Variants in ZMIZ1 observed in about 807,000 individuals in gnomAD.
ZMIZ1 encodes the protein zinc finger MIZ-type containing 1, also known as zinc finger MIZ domain-containing protein 1.
A neutral mutation model predicts 113.9 loss-of-function variants in ZMIZ1; 17 were observed. The observed-to-expected ratio is 0.15, with a 90% CI of 0.10 to 0.22. The LOEUF (loss-of-function observed/expected upper bound fraction) is 0.22, where lower values mean the gene tolerates loss of function less well. Ranked by LOEUF, ZMIZ1 falls within the 10% of genes least tolerant of loss-of-function variation. The pLI, the probability that ZMIZ1 is intolerant of heterozygous loss-of-function variation, is 1.00. For missense variants in ZMIZ1, 1,059 were observed against 1,477.8 expected (o/e 0.72, Z 4.65); for synonymous variants, 607 against 603.1 (o/e 1.01, Z -0.09).
In ZMIZ1 at chr10:79,302,005, C is replaced by T. The variant is rs989106590; in HGVS notation, c.2020-102C>T. ...GACACCCTGGGGGAGCCTCCTGGGCCGGCTGTGGGATCCTGGGAGCAGTCT... is the reference window on the plus strand; with the variant it reads ...GACACCCTGGGGGAGCCTCCTGGGCTGGCTGTGGGATCCTGGGAGCAGTCT... On this transcript the variant is annotated intron_variant, in intron 17 of 24. Coordinates refer to ENST00000334512, the MANE Select transcript of ZMIZ1 (RefSeq NM_020338.4). 8.8e-5 allele frequency: 105 copies of T among 1,189,418 alleles called. 1 individual carries two copies. In the South Asian group the frequency reaches 9.1e-4, roughly 10 times the overall value. The allele number at this position is 1,189,418 out of a possible 1,614,324, so 73.7% of individuals were successfully genotyped here. A position where few individuals can be genotyped will look rare whatever the true frequency, so the allele number is the denominator to read the frequency against.
chr10:79,122,913 A>G (rs879944405), intron 2 of ZMIZ1, among the ~76,000 whole-genome samples: 8 of 152,336 alleles, frequency 5.3e-5, no homozygotes, highest in Non-Finnish European at 8.8e-5. Flanking sequence ...AGAAAGCTCC[A>G]GCCCCTGGCC....
chr10:79,201,544 C>T, intron 4 of ZMIZ1, 40 bp from the exon 5 acceptor site: 2 of 1,494,488 alleles, frequency 1.3e-6, no homozygotes. Context: ...GTTGGCAGGC[C>T]TGGCGTGATC....
In ZMIZ1 at chr10:79,289,784, G is replaced by C. The variant is rs1138892; in HGVS notation, c.435G>C (p.Ser145=). The C allele has an allele frequency of 6.2e-7, 1 of 1,613,688 alleles. No homozygotes were observed. Among genetic ancestry groups the C allele is most frequent in the African/African-American group, 1.3e-5 (1 of 74,918 alleles). The change falls in exon 9 of 25, where the codon TCG becomes TCC. Residue 145 remains serine, a synonymous_variant. Transcript: ENST00000334512. ...MKPTLSHSDG[S]FPYDSVPWQQ... ...CTGTCTCCCTCTGCAGTGATGGGTC[G>C]TTCCCCTATGACTCTGTCCCTTGGC...
chr10:79,293,544 G>C lies in ZMIZ1; in HGVS notation c.1121G>C (p.Gly374Ala). The change falls in exon 12 of 25, where the codon GGC (glycine) becomes GCC (alanine). Residue 374 changes from glycine (G) to alanine (A), a missense_variant. Gly to Ala is a moderately conservative substitution (Grantham distance 60, BLOSUM62 0). This residue lies in a region of ZMIZ1 where 83 missense variants were observed against 103.7 expected (regional missense o/e 0.80). Transcript: ENST00000334512. ...PMGMNQPRPP[G>A]ISPFGTHGQR... is the part of the protein sequence containing the mutation. Reference sequence around the variant, plus strand: ...GGCATGAACCAGCCCCGGCCGCCCGGCATCAGCCCCTTTGGCACACACGGG... The same window carrying C: ...GGCATGAACCAGCCCCGGCCGCCCGCCATCAGCCCCTTTGGCACACACGGG... 1 of 1,612,294 alleles carries C rather than the reference G, an allele frequency of 6.2e-7. No individual in the cohort carries two copies. The highest frequency in any genetic ancestry group is 8.5e-7 in the Non-Finnish European group (1 of 1,179,518).
chr10:79,244,915 C>T (rs1346657351), intron 7 of ZMIZ1, among the ~76,000 whole-genome samples: 2 of 152,184 alleles, frequency 1.3e-5, no homozygotes, highest in African/African-American at 4.8e-5. Flanking sequence ...GGAGGAAAGG[C>T]CCTGTCCCAG....
At chr10:79,303,879 C>G in intron 18 of ZMIZ1, 136 bp from the exon 19 acceptor site, 1 of 1,291,448 alleles carries the variant, frequency 7.7e-7, no homozygotes, top group Non-Finnish European at 1.1e-6. Context: ...ACACTGCCCT[C>G]TCAGCGTTTG....
At chr10:79,240,241 G>A (rs372048850) in intron 7 of ZMIZ1, among the ~76,000 whole-genome samples, 4 of 152,338 alleles carry the variant, frequency 2.6e-5, no homozygotes, top group African/African-American at 9.6e-5. Flanking sequence ...CCCCCTTGCC[G>A]AGGTCACTCA....
intron 1 of ZMIZ1, among the ~76,000 whole-genome samples, chr10:79,100,208 G>C (rs1843311681): frequency 6.6e-6 from 1 of 152,086 alleles, no homozygotes; most frequent in Admixed American, 6.5e-5. Context: ...CAGGGGGACA[G>C]GTTCAGGTCA....
At position 79,306,163 on chromosome 10, in the gene ZMIZ1, G is replaced by C. The variant is rs752174152; in HGVS notation, c.2487G>C (p.Ser829=). ...TCSWRPVPIK[S]DLHIKDDPDG... is the part of the protein sequence containing the mutation. The stretch of plus-strand genomic sequence containing the variant: ...GCTGGCGGCCGGTGCCCATCAAGTC[G>C]GACTTACACATCAAGGACGACCCTG... Residue 829 remains serine, a synonymous_variant, in exon 22 of 25, where the codon TCG becomes TCC. Coordinates refer to ENST00000334512, the MANE Select transcript of ZMIZ1 (RefSeq NM_020338.4). The C allele has an allele frequency of 6.2e-7, 1 of 1,614,006 alleles. No homozygotes were observed. The highest frequency in any genetic ancestry group is 1.3e-5 in the African/African-American group (1 of 75,034).
chr10:79,190,006 G>GAATCA (rs1847533035), intron 4 of ZMIZ1, among the ~76,000 whole-genome samples: 1 of 152,216 alleles, frequency 6.6e-6, no homozygotes, highest in Non-Finnish European at 1.5e-5. Flanking sequence ...GGAGAGTAGA[G>GAATCA]CTTGATGAAT....
chr10:79,179,126 A>G (rs917416566), intron 4 of ZMIZ1, among the ~76,000 whole-genome samples: 2 of 152,258 alleles, frequency 1.3e-5, no homozygotes, highest in Admixed American at 6.5e-5. Context: ...GAGGGATGCT[A>G]GCACATAAAA....
chr10:79,089,037 C>CT (rs1164142707), intron 1 of ZMIZ1, among the ~76,000 whole-genome samples: 1 of 152,226 alleles, frequency 6.6e-6, no homozygotes, highest in Non-Finnish European at 1.5e-5. Flanking sequence ...CTTGATTTTT[C>CT]TTTTCTGGTC....
chr10:79,136,783 C>T (rs1286072927), intron 2 of ZMIZ1, among the ~76,000 whole-genome samples: 2 of 152,220 alleles, frequency 1.3e-5, no homozygotes, highest in Non-Finnish European at 1.5e-5. Context: ...TTAAATATCA[C>T]TATCCATTTC....
At chr10:79,082,979 T>A (rs988792281) in intron 1 of ZMIZ1, among the ~76,000 whole-genome samples, 2 of 152,114 alleles carry the variant, frequency 1.3e-5, no homozygotes, top group African/African-American at 4.8e-5. Flanking sequence ...GAAGGTGGAT[T>A]CATGTATTCC....
At chr10:79,154,135 G>A (rs1490472681) in intron 3 of ZMIZ1, among the ~76,000 whole-genome samples, 1 of 152,224 alleles carries the variant, frequency 6.6e-6, no homozygotes, top group Non-Finnish European at 1.5e-5. Flanking sequence ...GGAGGGATAA[G>A]TGACTTTCTT....
chr10:79,179,721 C>G (rs116695734), intron 4 of ZMIZ1, among the ~76,000 whole-genome samples: 2,135 of 152,384 alleles, frequency 0.014, 51 homozygotes, highest in African/African-American at 0.048. Context: ...GCTCCACACT[C>G]TAGCTCATGG....
At chr10:79,080,166 C>T (rs1183299678) in intron 1 of ZMIZ1, among the ~76,000 whole-genome samples, 3 of 152,166 alleles carry the variant, frequency 2.0e-5, no homozygotes, top group Admixed American at 1.3e-4. Flanking sequence ...GAGAAGTGGG[C>T]TTTGTGATGG....
At chr10:79,197,379 T>C (rs557073496) in intron 4 of ZMIZ1, among the ~76,000 whole-genome samples, 1 of 152,322 alleles carries the variant, frequency 6.6e-6, no homozygotes, top group South Asian at 2.1e-4. Context: ...GAGATGGCCT[T>C]GCTGAAGGTG....
intron 7 of ZMIZ1, among the ~76,000 whole-genome samples, chr10:79,245,573 T>C (rs534658144): frequency 6.6e-6 from 1 of 152,282 alleles, no homozygotes; most frequent in South Asian, 2.1e-4. Flanking sequence ...TCAGTCTGCA[T>C]TGGTTGAGCA....
Sources: allele counts gnomAD v4.1 joint callset (sites outside exome capture counted in the v4.1 genomes callset), GRCh38; gene constraint gnomAD v4.1.1; regional missense constraint gnomAD v4.1.1; transcripts MANE v1.5; gene names NCBI Gene and HGNC (gene_info 2026-07-23, HGNC 2026-07-21).